Variants in DNAJC1 observed in about 807,000 individuals in gnomAD.
DNAJC1 encodes DnaJ heat shock protein family (Hsp40) member C1, also known as dnaJ homolog subfamily C member 1.
Under a neutral mutation model 76.6 loss-of-function variants are expected in DNAJC1, and 58 were observed. The ratio of observed to expected loss-of-function variants is 0.76; its 90% confidence interval spans 0.61 to 0.94. The LOEUF is 0.94. Ranked by LOEUF, DNAJC1 falls within the 40% of genes least tolerant of loss-of-function variation. DNAJC1 has a pLI of 0.00. For synonymous variants in DNAJC1, 258 were observed against 267.9 expected, an observed-to-expected ratio of 0.96 and a Z score of 0.36; for missense variants, 689 against 677.3, an observed-to-expected ratio of 1.02 and a Z score of -0.19.
chr10:21,824,402 G>A (rs573476466), intron 8 of DNAJC1, among the ~76,000 whole-genome samples: 1 of 152,108 alleles, frequency 6.6e-6, no homozygotes, highest in Non-Finnish European at 1.5e-5. Flanking sequence ...ACAAACATGC[G>A]GTGAATAACA....
chr10:21,935,646 A>G (rs1046555872), intron 1 of DNAJC1, among the ~76,000 whole-genome samples: 3 of 151,932 alleles, frequency 2.0e-5, no homozygotes, highest in Non-Finnish European at 2.9e-5. Flanking sequence ...ACAAACCCCA[A>G]GTAGGAGAAA....
chr10:21,985,618 G>A (rs1838233060), intron 1 of DNAJC1, among the ~76,000 whole-genome samples: 2 of 152,132 alleles, frequency 1.3e-5, no homozygotes, highest in South Asian at 2.1e-4. Flanking sequence ...CATACATGTA[G>A]TTGTTTTGAG....
intron 6 of DNAJC1, among the ~76,000 whole-genome samples, chr10:21,904,847 A>G (rs574296467): frequency 6.6e-6 from 1 of 152,284 alleles, no homozygotes; most frequent in South Asian, 2.1e-4. Flanking sequence ...TCTCTCAGAT[A>G]TGGAAAGGAG....
chr10:21,948,674 C>A lies in DNAJC1; in HGVS notation c.223-19533G>T, dbSNP rs149991264. ...TATTATTCCTGTTAATCTTATTGTG[C>A]CTAATTTATAAATTGAACTTTATCA... On this transcript the variant is annotated intron_variant, in intron 1 of 11. Coordinates refer to ENST00000376980, the MANE Select transcript of DNAJC1 (RefSeq NM_022365.4). 5.3e-5 allele frequency among the ~76,000 whole-genome samples: 8 copies of A among 152,090 alleles called. No homozygotes were observed. The East Asian group carries it at 1.5e-3, about 29-fold the overall frequency.
chr10:21,879,611 G>C (rs995840607), intron 8 of DNAJC1, among the ~76,000 whole-genome samples: 1 of 152,096 alleles, frequency 6.6e-6, no homozygotes, highest in Admixed American at 6.6e-5. Context: ...GCGACAGAGA[G>C]AGACTCTGTC....
rs187580069 is a variant in DNAJC1, at chr10:21,838,692, G to A, written c.979-32593C>T. Among the ~76,000 whole-genome samples, 578 of 152,044 alleles carry A rather than the reference G, an allele frequency of 3.8e-3. 6 individuals are homozygous for A. The highest frequency in any genetic ancestry group is 0.013 in the African/African-American group (539 of 41,476). ...CACTGTCAACATTAGACAGATCAAC[G>A]AGACAGAAAGTTAACAAGGATACCC... On this transcript the variant is annotated intron_variant, in intron 8 of 11. Transcript: ENST00000376980.
intron 8 of DNAJC1, among the ~76,000 whole-genome samples, chr10:21,826,320 C>T (rs1233523526): frequency 4.7e-5 from 7 of 148,846 alleles, no homozygotes; most frequent in Non-Finnish European, 8.9e-5. Flanking sequence ...CATTTTTACT[C>T]TCTCTCTCTT....
rs114939885 is a variant in DNAJC1, at chr10:21,824,429, C to T, written c.979-18330G>A. Among the ~76,000 whole-genome samples, 499 of 152,090 alleles carry T rather than the reference C, an allele frequency of 3.3e-3. 3 individuals are homozygous for T. The highest frequency in any genetic ancestry group is 0.011 in the African/African-American group (476 of 41,466). On this transcript the variant is annotated intron_variant, in intron 8 of 11. Transcript: ENST00000376980. ...TGAATAACAGAGACTACTAGTGTCT[C>T]GAAACAGGAAAAGTTTGGCAACACA...
At chr10:21,944,989 G>A (rs1397132605) in intron 1 of DNAJC1, among the ~76,000 whole-genome samples, 2 of 152,166 alleles carry the variant, frequency 1.3e-5, no homozygotes, top group African/African-American at 4.8e-5. Flanking sequence ...TAGTCAAGTG[G>A]AACTGCCAGT....
intron 9 of DNAJC1, among the ~76,000 whole-genome samples, chr10:21,773,912 C>G (rs113446257): frequency 6.6e-6 from 1 of 150,746 alleles, no homozygotes; most frequent in Non-Finnish European, 1.5e-5. Flanking sequence ...GAGGCCGAGG[C>G]GGGCGGATCA....
intron 1 of DNAJC1, among the ~76,000 whole-genome samples, chr10:21,982,606 G>A (rs1838174763): frequency 6.7e-6 from 1 of 150,332 alleles, no homozygotes; most frequent in Admixed American, 6.7e-5. Flanking sequence ...CACCAAAGAA[G>A]ACAAATGACC....
chr10:21,781,865 A>T (rs1352365754), intron 9 of DNAJC1, among the ~76,000 whole-genome samples: 1 of 152,214 alleles, frequency 6.6e-6, no homozygotes, highest in East Asian at 1.9e-4. Flanking sequence ...ACAAAGACAC[A>T]ACATACCAGA....
chr10:21,794,619 A>G (rs1283609343), intron 9 of DNAJC1, among the ~76,000 whole-genome samples: 1 of 152,166 alleles, frequency 6.6e-6, no homozygotes, highest in Admixed American at 6.5e-5. Context: ...TAAAACTTCT[A>G]AGAAAATGTA....
At chr10:21,824,203 T>C (rs1835205458) in intron 8 of DNAJC1, among the ~76,000 whole-genome samples, 1 of 152,216 alleles carries the variant, frequency 6.6e-6, no homozygotes, top group African/African-American at 2.4e-5. Flanking sequence ...TCACTTGCTC[T>C]TCTGAAGGAA....
chr10:21,768,343 G>C (rs1834326078), intron 9 of DNAJC1, among the ~76,000 whole-genome samples: 1 of 152,136 alleles, frequency 6.6e-6, no homozygotes, highest in Admixed American at 6.5e-5. Context: ...TAAAATGTCA[G>C]AAAGCATGAT....
chr10:21,906,832 G>A (rs1292534699), intron 6 of DNAJC1, among the ~76,000 whole-genome samples: 2 of 150,240 alleles, frequency 1.3e-5, no homozygotes, highest in African/African-American at 4.8e-5. Context: ...CTGGGAAACA[G>A]TTAGAATGAT....
chr10:21,869,542 A>G (rs1836067605), intron 8 of DNAJC1, among the ~76,000 whole-genome samples: 1 of 152,102 alleles, frequency 6.6e-6, no homozygotes, highest in Non-Finnish European at 1.5e-5. Flanking sequence ...TTGTAACTCA[A>G]CCACCTCGGG....
chr10:21,864,889 A>G (rs1835972864), intron 8 of DNAJC1, among the ~76,000 whole-genome samples: 1 of 152,152 alleles, frequency 6.6e-6, no homozygotes, highest in Middle Eastern at 3.2e-3. Flanking sequence ...AAACTGAGCA[A>G]TAAGACAAAG....
In DNAJC1 at chr10:22,003,596, G is replaced by A. The variant is rs1177311639; in HGVS notation, c.-162C>T. 2.3e-6 allele frequency: 2 copies of A among 881,806 alleles called. No homozygotes were observed. Among genetic ancestry groups the A allele is most frequent in the Non-Finnish European group, 3.0e-6 (2 of 666,608 alleles). 54.6% of individuals were successfully genotyped at this position (881,806 alleles called of 1,614,324 possible). On this transcript the variant is annotated 5_prime_UTR_variant, in exon 1 of 12. Transcript: ENST00000376980. The stretch of plus-strand genomic sequence containing the variant: ...TGGCTGGCCCCAGACAGAGCGCGGA[G>A]GCGGCGGGAGCCGGCTGCCGGACGG...
Sources: allele counts gnomAD v4.1 joint callset (sites outside exome capture counted in the v4.1 genomes callset), GRCh38; gene constraint gnomAD v4.1.1; transcripts MANE v1.5; gene names NCBI Gene and HGNC (gene_info 2026-07-23, HGNC 2026-07-21).